The following IL1RAPL1 variants were observed in gnomAD, a reference collection of about 807,000 sequenced individuals.
The protein encoded by IL1RAPL1 is interleukin 1 receptor accessory protein like 1.
In IL1RAPL1, 3 loss-of-function variants were observed where a neutral mutation model predicts 48.4. That is an observed-to-expected ratio of 0.06 (90% confidence interval 0.03 to 0.16). The LOEUF (loss-of-function observed/expected upper bound fraction) is 0.16, where lower values mean the gene tolerates loss of function less well. Ranked by LOEUF, IL1RAPL1 falls within the 10% of genes least tolerant of loss-of-function variation. IL1RAPL1 has a pLI of 1.00. For synonymous variants in IL1RAPL1, 185 were observed against 187.7 expected (o/e 0.99, Z 0.12); for missense variants, 349 against 530.6 (o/e 0.66, Z 3.36).
intron 1 of IL1RAPL1, among the ~76,000 whole-genome samples, chrX:28,745,026 G>A (rs1935957392): frequency 1.8e-5 from 2 of 111,568 alleles, no homozygotes; most frequent in Non-Finnish European, 3.8e-5. Context: ...ACCACACTAA[G>A]AAACAACTTA....
chrX:29,087,650 C>G (rs1290445509), intron 2 of IL1RAPL1, among the ~76,000 whole-genome samples: 2 of 112,207 alleles, frequency 1.8e-5, no homozygotes, highest in African/African-American at 6.5e-5. Context: ...AAGAAAACAT[C>G]ACAATGTTTC....
intron 6 of IL1RAPL1, among the ~76,000 whole-genome samples, chrX:29,772,116 A>G (rs1227181389): frequency 9.2e-6 from 1 of 108,987 alleles, no homozygotes; most frequent in African/African-American, 3.3e-5. Context: ...ACACACCCAA[A>G]CCGTATTAGT....
chrX:29,474,215 G>T (rs1934950661), intron 5 of IL1RAPL1, among the ~76,000 whole-genome samples: 1 of 112,074 alleles, frequency 8.9e-6, no homozygotes, highest in African/African-American at 3.2e-5. Flanking sequence ...CCATGTTTCT[G>T]TCCCCTGAAA....
chrX:28,851,990 G>A (rs753271158), intron 2 of IL1RAPL1, among the ~76,000 whole-genome samples: 1 of 111,912 alleles, frequency 8.9e-6, no homozygotes, highest in African/African-American at 3.3e-5. Context: ...ACACTGAGGT[G>A]GCTGGGAATG....
At position 28,814,653 on chromosome X, in the gene IL1RAPL1, G is replaced by A. The variant is rs900243741; in HGVS notation, c.82+25228G>A. Reference sequence around the variant, plus strand: ...TCTGACCATCTCTATTTTTTAATTGGTATATTTAGACTAGGCCCATTTATT... The same window carrying A: ...TCTGACCATCTCTATTTTTTAATTGATATATTTAGACTAGGCCCATTTATT... On this transcript the variant is annotated intron_variant, in intron 2 of 10. Transcript: ENST00000378993. 6.4e-5 allele frequency among the ~76,000 whole-genome samples: 7 copies of A among 109,899 alleles called. No individual in the cohort carries two copies. The South Asian group carries it at 1.2e-3, about 18-fold the overall frequency.
intron 5 of IL1RAPL1, among the ~76,000 whole-genome samples, chrX:29,467,834 A>G (rs1246719889): frequency 8.9e-6 from 1 of 111,873 alleles, no homozygotes; most frequent in African/African-American, 3.2e-5. Context: ...CACCAGTGCA[A>G]TTCTGCTGTC....
intron 2 of IL1RAPL1, among the ~76,000 whole-genome samples, chrX:29,222,587 G>A (rs1485934058): frequency 8.9e-6 from 1 of 111,919 alleles, no homozygotes; most frequent in East Asian, 2.8e-4. Context: ...CATTTCAAGA[G>A]ATGCTTGCCT....
intron 5 of IL1RAPL1, among the ~76,000 whole-genome samples, chrX:29,515,892 C>A (rs768166775): frequency 9.0e-6 from 1 of 111,223 alleles, no homozygotes; most frequent in Admixed American, 9.6e-5. Context: ...CGCCATGTTG[C>A]CCAGGCTGGT....
chrX:29,903,687 T>C (rs768974676), intron 6 of IL1RAPL1, among the ~76,000 whole-genome samples: 5 of 111,777 alleles, frequency 4.5e-5, no homozygotes, highest in Non-Finnish European at 9.4e-5. Flanking sequence ...AGTATTGTTT[T>C]TCCTCTAAGA....
intron 2 of IL1RAPL1, among the ~76,000 whole-genome samples, chrX:29,156,802 C>G (rs994188290): frequency 3.6e-5 from 4 of 111,606 alleles, no homozygotes; most frequent in Non-Finnish European, 7.5e-5. Flanking sequence ...CCAGTATGAC[C>G]TTGTAACACA....
intron 5 of IL1RAPL1, among the ~76,000 whole-genome samples, chrX:29,458,623 C>T (rs1404594490): frequency 9.0e-6 from 1 of 111,713 alleles, no homozygotes; most frequent in Admixed American, 9.5e-5. Context: ...ATTACTTTTG[C>T]ACCAACCTAA....
chrX:28,767,842 C>G (rs1190918586), intron 1 of IL1RAPL1, among the ~76,000 whole-genome samples: 1 of 110,330 alleles, frequency 9.1e-6, no homozygotes, highest in Non-Finnish European at 1.9e-5. Context: ...AAATACAATG[C>G]AAAAAAGTTA....
At chrX:29,617,638 T>G (rs1301190413) in intron 5 of IL1RAPL1, among the ~76,000 whole-genome samples, 2 of 112,271 alleles carry the variant, frequency 1.8e-5, no homozygotes, top group Non-Finnish European at 3.8e-5. Context: ...AACCAGTTCT[T>G]AAACTAAAGC....
chrX:29,126,440 A>G (rs951536007), intron 2 of IL1RAPL1, among the ~76,000 whole-genome samples: 27 of 112,600 alleles, frequency 2.4e-4, no homozygotes, highest in African/African-American at 8.4e-4. Context: ...TAAACTACAC[A>G]GAAAAAGTTA....
intron 5 of IL1RAPL1, among the ~76,000 whole-genome samples, chrX:29,641,628 T>TGTTTC (rs1038629449): frequency 8.9e-6 from 1 of 112,349 alleles, no homozygotes; most frequent in Admixed American, 9.4e-5. Context: ...GTGAAGGCTT[T>TGTTTC]GTTTCGTTCA....
chrX:29,838,461 T>C (rs1931063998), intron 6 of IL1RAPL1, among the ~76,000 whole-genome samples: 1 of 112,076 alleles, frequency 8.9e-6, no homozygotes, highest in Non-Finnish European at 1.9e-5. Flanking sequence ...TAAATTTGGA[T>C]CCATATCTCA....
chrX:29,490,865 T>TATATACGTA (rs778859346), intron 5 of IL1RAPL1, among the ~76,000 whole-genome samples: 1 of 107,615 alleles, frequency 9.3e-6, no homozygotes, highest in Non-Finnish European at 1.9e-5. Context: ...TATATATATA[T>TATATACGTA]TCTGAGTGTG....
At chrX:28,778,969 C>T (rs1193843789) in intron 1 of IL1RAPL1, among the ~76,000 whole-genome samples, 1 of 111,469 alleles carries the variant, frequency 9.0e-6, no homozygotes, top group Non-Finnish European at 1.9e-5. Flanking sequence ...ATTCATCTGG[C>T]CATTTTACAG....
At chrX:29,430,273 G>C (rs1934404439) in intron 5 of IL1RAPL1, among the ~76,000 whole-genome samples, 1 of 111,104 alleles carries the variant, frequency 9.0e-6, no homozygotes, top group Non-Finnish European at 1.9e-5. Flanking sequence ...CCTACGACAG[G>C]TAAACAGAAT....
Sources: allele counts gnomAD v4.1 joint callset (sites outside exome capture counted in the v4.1 genomes callset), GRCh38; gene constraint gnomAD v4.1.1; transcripts MANE v1.5; gene names NCBI Gene and HGNC (gene_info 2026-07-23, HGNC 2026-07-21).